Variants in SLC7A2 observed in about 807,000 individuals in gnomAD.
The protein encoded by SLC7A2 is solute carrier family 7 member 2, also known as cationic amino acid transporter 2.
In SLC7A2, 48 loss-of-function variants were observed where a neutral mutation model predicts 58.9. The observed-to-expected ratio is 0.82, with a 90% CI of 0.65 to 1.04. The LOEUF (loss-of-function observed/expected upper bound fraction) is 1.04, where lower values mean the gene tolerates loss of function less well. SLC7A2 is among the 50% of genes least tolerant of loss of function. The pLI, the probability that SLC7A2 is intolerant of heterozygous loss-of-function variation, is 0.00. For missense variants in SLC7A2, 1,029 were observed against 818.8 expected (o/e 1.26, Z -3.13); for synonymous variants, 363 against 314.5 (o/e 1.15, Z -1.63).
At chr8:17,561,826 T>G in intron 10 of SLC7A2, 118 bp from the exon 11 acceptor site, 1 of 904,296 alleles carries the variant, frequency 1.1e-6, no homozygotes, top group Non-Finnish European at 1.7e-6. Context: ...AGACTCTTTG[T>G]ATTTAGCCAA....
intron 2 of SLC7A2, among the ~76,000 whole-genome samples, chr8:17,529,802 G>C (rs1437193929): frequency 6.6e-6 from 1 of 152,068 alleles, no homozygotes; most frequent in Admixed American, 6.6e-5. Flanking sequence ...CTACCAACAT[G>C]CTGGGATTAC....
At chr8:17,526,316 T>A (rs1801221341) in intron 2 of SLC7A2, among the ~76,000 whole-genome samples, 1 of 152,030 alleles carries the variant, frequency 6.6e-6, no homozygotes, top group Non-Finnish European at 1.5e-5. Context: ...GCTTGTAAAA[T>A]AGGAAGGCGA....
chr8:17,506,732 T>C (rs1008226084), intron 2 of SLC7A2, among the ~76,000 whole-genome samples: 1 of 151,338 alleles, frequency 6.6e-6, no homozygotes, highest in Non-Finnish European at 1.5e-5. Context: ...CAAATAATAA[T>C]TACTAGAATG....
At chr8:17,514,525 A>T (rs1229277505) in intron 2 of SLC7A2, among the ~76,000 whole-genome samples, 3 of 152,116 alleles carry the variant, frequency 2.0e-5, no homozygotes, top group East Asian at 3.9e-4. Flanking sequence ...GTGGAGGTTG[A>T]CCCTGGAAGC....
intron 2 of SLC7A2, among the ~76,000 whole-genome samples, chr8:17,541,001 A>G (rs1801888794): frequency 6.6e-6 from 1 of 152,148 alleles, no homozygotes; most frequent in Non-Finnish European, 1.5e-5. Flanking sequence ...ACAAATGGGT[A>G]TGTTTATCAG....
At chr8:17,553,281 G>T (rs1184659895) in intron 7 of SLC7A2, among the ~76,000 whole-genome samples, 2 of 152,080 alleles carry the variant, frequency 1.3e-5, no homozygotes, top group Non-Finnish European at 2.9e-5. Context: ...GAACTCCTGG[G>T]CTCAAGCTAT....
intron 2 of SLC7A2, among the ~76,000 whole-genome samples, chr8:17,532,162 G>A (rs541472274): frequency 6.8e-6 from 1 of 147,200 alleles, no homozygotes; most frequent in Non-Finnish European, 1.5e-5. Context: ...CCCGGGAGGC[G>A]GAGGTTGGAG....
intron 1 of SLC7A2, chr8:17,500,481 T>TG (rs1308172015): frequency 2.0e-5 from 3 of 152,228 alleles, no homozygotes; most frequent in African/African-American, 7.2e-5. Context: ...AAGACCAGCC[T>TG]GGCCAACATG....
At chr8:17,497,722 T>G (rs1355815611) in intron 1 of SLC7A2, among the ~76,000 whole-genome samples, 4 of 152,222 alleles carry the variant, frequency 2.6e-5, no homozygotes, top group African/African-American at 7.2e-5. Context: ...TGGCTTAAAT[T>G]AGAAAGCCGG....
chr8:17,506,501 G>T (rs1340785781), intron 2 of SLC7A2, among the ~76,000 whole-genome samples: 1 of 152,114 alleles, frequency 6.6e-6, no homozygotes, highest in Non-Finnish European at 1.5e-5. Flanking sequence ...TTCCTTTCTA[G>T]CCTCCCTCGC....
intron 8 of SLC7A2, among the ~76,000 whole-genome samples, chr8:17,557,147 T>G (rs749980091): frequency 1.6e-4 from 25 of 152,218 alleles, no homozygotes; most frequent in Non-Finnish European, 2.8e-4. Context: ...ATGATTTCCC[T>G]TCTCATAGGA....
At chr8:17,560,186 C>T (rs1802897945) in intron 9 of SLC7A2, 142 bp from the exon 10 acceptor site, 1 of 646,614 alleles carries the variant, frequency 1.5e-6, no homozygotes, top group Admixed American at 2.6e-5. Flanking sequence ...GCTCAGCATG[C>T]TCTGGGACTG....
At chr8:17,558,996 G>T (rs543878920) in intron 9 of SLC7A2, among the ~76,000 whole-genome samples, 1 of 152,260 alleles carries the variant, frequency 6.6e-6, no homozygotes, top group South Asian at 2.1e-4. Context: ...TTATATGCCT[G>T]GATGAAATTG....
chr8:17,547,784 GA>G (rs1802244133), intron 4 of SLC7A2, among the ~76,000 whole-genome samples: 1 of 101,994 alleles, frequency 9.8e-6, no homozygotes, highest in African/African-American at 3.7e-5. Flanking sequence ...TGGCACAAAA[GA>G]GTGTGTGTGT....
chr8:17,525,334 T>A (rs1268192369), intron 2 of SLC7A2, among the ~76,000 whole-genome samples: 3 of 152,218 alleles, frequency 2.0e-5, no homozygotes, highest in African/African-American at 7.2e-5. Flanking sequence ...TCACTATGTA[T>A]ATTAAAACAT....
At chr8:17,521,203 T>C (rs1234698943) in intron 2 of SLC7A2, among the ~76,000 whole-genome samples, 1 of 152,216 alleles carries the variant, frequency 6.6e-6, no homozygotes, top group Non-Finnish European at 1.5e-5. Flanking sequence ...TATATTTTGA[T>C]AGAGGGAGGT....
chr8:17,507,682 A>G (rs1394689900), intron 2 of SLC7A2, among the ~76,000 whole-genome samples: 1 of 152,238 alleles, frequency 6.6e-6, no homozygotes. Flanking sequence ...ATGTCAGTGA[A>G]AAAAGAAAAA....
intron 2 of SLC7A2, among the ~76,000 whole-genome samples, chr8:17,521,537 G>A (rs890223139): frequency 2.3e-4 from 35 of 152,316 alleles, no homozygotes; most frequent in African/African-American, 7.9e-4. Flanking sequence ...CATCCATCAA[G>A]TGCTTCTGGA....
At chr8:17,515,169 A>C (rs749603663) in intron 2 of SLC7A2, among the ~76,000 whole-genome samples, 40 of 152,238 alleles carry the variant, frequency 2.6e-4, no homozygotes, top group Non-Finnish European at 5.1e-4. Flanking sequence ...TGATCTAAAT[A>C]GTCAGTATGT....
Sources: gnomAD v4.1 joint callset for allele counts (sites outside exome capture counted in the v4.1 genomes callset) on GRCh38, gnomAD v4.1.1 for gene constraint, MANE v1.5 for transcripts, NCBI Gene and HGNC (gene_info 2026-07-23, HGNC 2026-07-21) for gene names.